Variants in DOCK3 observed in about 807,000 individuals in gnomAD.
The protein encoded by DOCK3 is dedicator of cytokinesis 3.
Under a neutral mutation model 265.6 loss-of-function variants are expected in DOCK3, and 60 were observed. That is an observed-to-expected ratio of 0.23 (90% CI 0.18 to 0.28). The LOEUF is 0.28. DOCK3 is among the 10% of genes least tolerant of loss of function. DOCK3 has a pLI of 1.00. For synonymous variants in DOCK3, 881 were observed against 938.0 expected, an observed-to-expected ratio of 0.94 and a Z score of 1.11; for missense variants, 1,981 against 2,594.3, an observed-to-expected ratio of 0.76 and a Z score of 5.14.
chr3:51,020,255 G>A (rs1009658670), intron 5 of DOCK3, among the ~76,000 whole-genome samples: 4 of 66,142 alleles, frequency 6.0e-5, no homozygotes, highest in African/African-American at 2.2e-4. Context: ...TTTGTTGGCC[G>A]CCTGTGTTTC....
At chr3:50,687,599 G>A (rs2034918876) in intron 1 of DOCK3, among the ~76,000 whole-genome samples, 1 of 152,220 alleles carries the variant, frequency 6.6e-6, no homozygotes. Flanking sequence ...CTAAGGGCAT[G>A]TACTTTAATG....
At chr3:51,237,188 T>C (rs1165088968) in intron 20 of DOCK3, among the ~76,000 whole-genome samples, 2 of 152,184 alleles carry the variant, frequency 1.3e-5, no homozygotes, top group African/African-American at 4.8e-5. Flanking sequence ...TACACGCATA[T>C]TGTTTTGCCT....
At chr3:51,051,892 T>G (rs1420031242) in intron 5 of DOCK3, among the ~76,000 whole-genome samples, 1 of 151,914 alleles carries the variant, frequency 6.6e-6, no homozygotes, top group Admixed American at 6.6e-5. Flanking sequence ...CCATACACTT[T>G]TAAACAACCA....
chr3:51,361,955 C>T lies in DOCK3; in HGVS notation c.5103C>T (p.Gly1701=). Reference sequence around the variant, plus strand: ...GAAACATGGTGATGCTGGGTGACGGCTCCATGGGTGATGCTCCTGAGGACC... The same window carrying T: ...GAAACATGGTGATGCTGGGTGACGGTTCCATGGGTGATGCTCCTGAGGACC... ...EAGNMVMLGD[G]SMGDAPEDLY... is the part of the protein sequence containing the mutation. Residue 1701 remains glycine, a synonymous_variant, in exon 48 of 53, where the codon GGC becomes GGT. Transcript: ENST00000266037. The surrounding 1 kb of genome is among the most constrained non-coding windows in gnomAD (Gnocchi z 4.2). The T allele has an allele frequency of 6.2e-7, 1 of 1,611,632 alleles. No individual in the cohort carries two copies. The highest frequency in any genetic ancestry group is 8.5e-7 in the Non-Finnish European group (1 of 1,178,970).
At chr3:50,990,795 C>T (rs899250173) in intron 5 of DOCK3, among the ~76,000 whole-genome samples, 1 of 152,092 alleles carries the variant, frequency 6.6e-6, no homozygotes, top group Non-Finnish European at 1.5e-5. Flanking sequence ...TCTAATGTTT[C>T]CATGTTCTTC....
intron 1 of DOCK3, among the ~76,000 whole-genome samples, chr3:50,676,601 C>G (rs897379152): frequency 6.6e-6 from 1 of 151,878 alleles, no homozygotes; most frequent in Non-Finnish European, 1.5e-5. Context: ...TTCTCCATAA[C>G]TCGCTCCCAG....
At chr3:51,208,898 C>G in intron 13 of DOCK3, 36 bp downstream of exon 13, 1 of 1,569,086 alleles carries the variant, frequency 6.4e-7, no homozygotes, top group Non-Finnish European at 8.7e-7. Context: ...TTTTGTGTTA[C>G]ATTTGTAGTT....
intron 9 of DOCK3, among the ~76,000 whole-genome samples, chr3:51,096,772 G>C (rs545545775): frequency 1.4e-4 from 21 of 152,274 alleles, no homozygotes; most frequent in African/African-American, 5.1e-4. Context: ...CCTCATCTTC[G>C]TGGATTTATC....
intron 1 of DOCK3, among the ~76,000 whole-genome samples, chr3:50,700,254 G>A (rs189330562): frequency 2.0e-5 from 3 of 152,332 alleles, no homozygotes; most frequent in Admixed American, 2.0e-4. Context: ...ACTCCAGCCT[G>A]GGCGAAAAGA....
At chr3:51,078,966 C>T (rs544919270) in intron 7 of DOCK3, among the ~76,000 whole-genome samples, 3 of 152,062 alleles carry the variant, frequency 2.0e-5, no homozygotes, top group Non-Finnish European at 2.9e-5. Context: ...TGATAAAAAA[C>T]AATTATAAGA....
At chr3:50,768,535 C>A (rs1188450896) in intron 1 of DOCK3, among the ~76,000 whole-genome samples, 1 of 152,128 alleles carries the variant, frequency 6.6e-6, no homozygotes, top group East Asian at 1.9e-4. Context: ...AATCAATAAA[C>A]GTAATCCAGC....
chr3:50,890,000 A>G, intron 3 of DOCK3, 26 bp from the exon 4 acceptor site: 1 of 1,392,220 alleles, frequency 7.2e-7, no homozygotes, highest in Non-Finnish European at 9.3e-7. Flanking sequence ...TATTTTTTCT[A>G]ACAGGAAATA....
intron 5 of DOCK3, among the ~76,000 whole-genome samples, chr3:51,027,471 C>T (rs1219195594): frequency 6.6e-6 from 1 of 151,652 alleles, no homozygotes; most frequent in Non-Finnish European, 1.5e-5. Flanking sequence ...GTTAAGTATC[C>T]AATTTAAGTC....
At chr3:51,167,761 A>G (rs2086479067) in intron 12 of DOCK3, among the ~76,000 whole-genome samples, 1 of 152,176 alleles carries the variant, frequency 6.6e-6, no homozygotes, top group African/African-American at 2.4e-5. Flanking sequence ...TCATTAGTAT[A>G]TAGAAATATT....
At chr3:51,007,241 C>A (rs1050866733) in intron 5 of DOCK3, among the ~76,000 whole-genome samples, 2 of 152,220 alleles carry the variant, frequency 1.3e-5, no homozygotes, top group African/African-American at 4.8e-5. Flanking sequence ...GTCCCACCAA[C>A]AGTGTAAAAG....
intron 1 of DOCK3, among the ~76,000 whole-genome samples, chr3:50,755,919 G>A (rs1004451623): frequency 2.6e-5 from 4 of 152,240 alleles, no homozygotes; most frequent in African/African-American, 4.8e-5. Flanking sequence ...GTTTAAGGCT[G>A]AGGGAGAGAC....
At chr3:51,053,506 C>G (rs1165594008) in intron 5 of DOCK3, among the ~76,000 whole-genome samples, 1 of 151,012 alleles carries the variant, frequency 6.6e-6, no homozygotes, top group Non-Finnish European at 1.5e-5. Context: ...CCTGCAAGCT[C>G]TGCCTCCCAG....
chr3:50,864,922 GTCTTTTGTGGT>G (rs962826292), intron 3 of DOCK3, among the ~76,000 whole-genome samples: 3 of 151,614 alleles, frequency 2.0e-5, no homozygotes, highest in Non-Finnish European at 4.4e-5. Context: ...GCTATTTGGG[GTCTTTTGTGGT>G]TCCACATACA....
chr3:51,331,657 T>C (rs943806461), intron 33 of DOCK3, among the ~76,000 whole-genome samples: 1 of 152,160 alleles, frequency 6.6e-6, no homozygotes, highest in African/African-American at 2.4e-5. Flanking sequence ...TCAAAGCCTT[T>C]GTTGTGCAAA....
Sources: gnomAD v4.1 joint callset for allele counts (sites outside exome capture counted in the v4.1 genomes callset) on GRCh38, gnomAD v4.1.1 for gene constraint, Gnocchi (gnomAD v3.1) non-coding constraint, MANE v1.5 for transcripts, NCBI Gene and HGNC (gene_info 2026-07-23, HGNC 2026-07-21) for gene names.